EYS: variants seen among roughly 807,000 people sequenced by gnomAD.
EYS encodes the protein protein eyes shut homolog.
EYS carries 250 observed loss-of-function variants against 282.1 expected under a neutral mutation model. That is an observed-to-expected ratio of 0.89 (90% CI 0.80 to 0.98). EYS has a LOEUF of 0.98. Among genes scored for constraint, EYS ranks in the 50% least tolerant of loss-of-function variants. The pLI is 0.00. For synonymous variants in EYS, 1,355 were observed against 1,282.9 expected, an observed-to-expected ratio of 1.06 and a Z score of -1.20; for missense variants, 4,016 against 3,709.0, an observed-to-expected ratio of 1.08 and a Z score of -2.15.
At chr6:64,253,620 C>G (rs1767292563) in intron 30 of EYS, among the ~76,000 whole-genome samples, 1 of 152,086 alleles carries the variant, frequency 6.6e-6, no homozygotes, top group Non-Finnish European at 1.5e-5. Context: ...AAAGAAGTAT[C>G]AGGTCTGTAC....
At chr6:65,165,143 A>T (rs1056825796) in intron 12 of EYS, among the ~76,000 whole-genome samples, 1 of 151,224 alleles carries the variant, frequency 6.6e-6, no homozygotes, top group African/African-American at 2.4e-5. Context: ...TTTTTCTAAC[A>T]CAGTTCATGC....
At chr6:64,198,061 C>T (rs1019851220) in intron 31 of EYS, among the ~76,000 whole-genome samples, 7 of 151,810 alleles carry the variant, frequency 4.6e-5, no homozygotes, top group East Asian at 1.9e-4. Flanking sequence ...GGCGTGATCT[C>T]GGCTCACTGC....
chr6:64,618,088 G>A (rs1767332247), intron 23 of EYS, among the ~76,000 whole-genome samples: 2 of 152,144 alleles, frequency 1.3e-5, no homozygotes, highest in Non-Finnish European at 2.9e-5. Flanking sequence ...GCCATTGGCT[G>A]TAAGAATTCT....
At chr6:64,124,666 T>G (rs547474409) in intron 31 of EYS, among the ~76,000 whole-genome samples, 1 of 152,262 alleles carries the variant, frequency 6.6e-6, no homozygotes, top group South Asian at 2.1e-4. Flanking sequence ...TGGCCAAAAA[T>G]TTTCGTGTGT....
At chr6:65,095,375 T>G (rs1301731078) in intron 12 of EYS, among the ~76,000 whole-genome samples, 1 of 150,934 alleles carries the variant, frequency 6.6e-6, no homozygotes, top group African/African-American at 2.4e-5. Context: ...ATATATTGTA[T>G]GATTGAAAGT....
chr6:65,407,202 T>C lies in EYS; in HGVS notation c.863-1835A>G, dbSNP rs577017534. 7.2e-5 allele frequency among the ~76,000 whole-genome samples: 11 copies of C among 152,272 alleles called. 1 individual carries two copies. In the South Asian group the frequency reaches 2.3e-3, roughly 32 times the overall value. ...TTTGTTAAATTCATATCTAAGCATTTTGAAGGTCATGTAACTAGACTTGCT... is the reference window on the plus strand; with the variant it reads ...TTTGTTAAATTCATATCTAAGCATTCTGAAGGTCATGTAACTAGACTTGCT... On this transcript the variant is annotated intron_variant, in intron 5 of 42. Coordinates refer to ENST00000503581, the MANE Select transcript of EYS (RefSeq NM_001142800.2).
chr6:63,943,899 A>C (rs914247316), intron 35 of EYS, among the ~76,000 whole-genome samples: 3 of 152,202 alleles, frequency 2.0e-5, no homozygotes, highest in Admixed American at 6.5e-5. Context: ...ATTCAATAAG[A>C]GGTTTTCCTA....
At chr6:65,055,367 C>A (rs1481528722) in intron 13 of EYS, among the ~76,000 whole-genome samples, 1 of 151,954 alleles carries the variant, frequency 6.6e-6, no homozygotes, top group Non-Finnish European at 1.5e-5. Flanking sequence ...TTTAGATTTA[C>A]AGAACAGTTG....
intron 30 of EYS, among the ~76,000 whole-genome samples, chr6:64,276,020 T>C (rs1768104968): frequency 6.6e-6 from 1 of 152,088 alleles, no homozygotes; most frequent in African/African-American, 2.4e-5. Flanking sequence ...ACTACTGTTA[T>C]AGCTTCTTAT....
intron 29 of EYS, among the ~76,000 whole-genome samples, chr6:64,344,459 CAT>C (rs1771284127): frequency 6.6e-6 from 1 of 152,008 alleles, no homozygotes; most frequent in African/African-American, 2.4e-5. Flanking sequence ...ACAAAAACCA[CAT>C]GATTATCTCA....
At chr6:64,929,020 C>T (rs113610458) in intron 15 of EYS, among the ~76,000 whole-genome samples, 2 of 152,020 alleles carry the variant, frequency 1.3e-5, no homozygotes, top group African/African-American at 4.8e-5. Flanking sequence ...ATTGTATCTC[C>T]CCAAAAGACC....
chr6:64,364,252 G>C (rs1772119039), intron 29 of EYS, among the ~76,000 whole-genome samples: 1 of 151,718 alleles, frequency 6.6e-6, no homozygotes, highest in Admixed American at 6.6e-5. Context: ...TGGTTCTTCT[G>C]TTTCTGTTCT....
Position 63,833,253 on chromosome 6 carries a change from A to G in EYS, c.7229-26881T>C, listed in dbSNP as rs965415664. Reference sequence around the variant, plus strand: ...AAGAGAAAGAAATGAAGTGTATTCAATTAGGAAAAGAGGAAGTAAAATTGT... The same window carrying G: ...AAGAGAAAGAAATGAAGTGTATTCAGTTAGGAAAAGAGGAAGTAAAATTGT... On this transcript the variant is annotated intron_variant, in intron 36 of 42. Coordinates refer to ENST00000503581, the MANE Select transcript of EYS (RefSeq NM_001142800.2). Among the ~76,000 whole-genome samples, 6 of 152,324 alleles carry G rather than the reference A, an allele frequency of 3.9e-5. No homozygotes were observed. In the East Asian group the frequency reaches 1.2e-3, roughly 29 times the overall value.
intron 11 of EYS, among the ~76,000 whole-genome samples, chr6:65,305,341 A>G (rs1264601906): frequency 6.6e-6 from 1 of 152,126 alleles, no homozygotes; most frequent in Non-Finnish European, 1.5e-5. Context: ...TGATGTACTT[A>G]ATATTACCTG....
At chr6:65,330,474 T>C in intron 11 of EYS, 1 of 984,446 alleles carries the variant, frequency 1.0e-6, no homozygotes, top group Non-Finnish European at 1.2e-6. Flanking sequence ...TGGTATGATT[T>C]AGTCTTTGGC....
intron 31 of EYS, among the ~76,000 whole-genome samples, chr6:64,150,005 C>A (rs148651292): frequency 2.0e-5 from 3 of 152,178 alleles, no homozygotes; most frequent in Non-Finnish European, 4.4e-5. Flanking sequence ...GTTATAGTCA[C>A]CATTACTGGT....
Position 65,344,283 on chromosome 6 carries a change from A to G in EYS, c.1460-106T>C, listed in dbSNP as rs916865728. The stretch of plus-strand genomic sequence containing the variant: ...ATTACTTGAAAAGATAAATTTGACA[A>G]CATCTGCCACAAAATAAGTTCCTGT... On this transcript the variant is annotated intron_variant, in intron 9 of 42. Transcript: ENST00000503581. 9.6e-6 allele frequency: 9 copies of G among 941,114 alleles called. No individual in the cohort carries two copies. The African/African-American group carries it at 1.3e-4, about 14-fold the overall frequency. 58.3% of individuals were successfully genotyped at this position (941,114 alleles called of 1,614,324 possible). A position where few individuals can be genotyped will look rare whatever the true frequency, so the allele number is the denominator to read the frequency against.
intron 31 of EYS, among the ~76,000 whole-genome samples, chr6:64,219,487 TTTTG>T (rs974747496): frequency 3.3e-5 from 5 of 152,188 alleles, no homozygotes; most frequent in South Asian, 2.1e-4. Context: ...TTATTTTTGT[TTTTG>T]TTTGTTAAGA....
intron 35 of EYS, among the ~76,000 whole-genome samples, chr6:63,900,623 G>A (rs1025294562): frequency 1.3e-5 from 2 of 152,156 alleles, no homozygotes; most frequent in Admixed American, 1.3e-4. Flanking sequence ...GGAGTTAAAA[G>A]CAGGGAAAGA....
Sources: gnomAD v4.1 joint callset for allele counts (sites outside exome capture counted in the v4.1 genomes callset) on GRCh38, gnomAD v4.1.1 for gene constraint, MANE v1.5 for transcripts, NCBI Gene and HGNC (gene_info 2026-07-23, HGNC 2026-07-21) for gene names.